Variants in TOM1 observed in about 807,000 individuals in gnomAD.
The protein encoded by TOM1 is target of myb1 membrane trafficking protein.
In TOM1, 38 loss-of-function variants were observed where a neutral mutation model predicts 61.3. That is an observed-to-expected ratio of 0.62 (90% confidence interval 0.48 to 0.81). The LOEUF (loss-of-function observed/expected upper bound fraction) is 0.81. Ranked by LOEUF, TOM1 falls within the 40% of genes least tolerant of loss-of-function variation. The pLI is 0.00. For missense variants in TOM1, 591 were observed against 659.6 expected (o/e 0.90, Z 1.14); for synonymous variants, 270 against 268.8 (o/e 1.00, Z -0.04).
At position 35,345,391 on chromosome 22, in the gene TOM1, G is replaced by A. The variant is rs1601721777; in HGVS notation, c.1225-334G>A. 1.7e-5 allele frequency: 7 copies of A among 407,512 alleles called. No individual in the cohort carries two copies. The East Asian group carries it at 3.3e-4, about 19-fold the overall frequency. 25.2% of individuals were successfully genotyped at this position (407,512 alleles called of 1,614,324 possible). ...CCTGAGCACCTGCAGCATAGCCCCT[G>A]CCCCAGGCCATTGCCCAAAGCCCCT... On this transcript the variant is annotated intron_variant, in intron 12 of 14. Coordinates refer to ENST00000449058, the MANE Select transcript of TOM1 (RefSeq NM_005488.3).
At chr22:35,303,994 T>C (rs891790439) in intron 1 of TOM1, among the ~76,000 whole-genome samples, 3 of 152,094 alleles carry the variant, frequency 2.0e-5, no homozygotes, top group Non-Finnish European at 4.4e-5. Flanking sequence ...AAGTAACATT[T>C]TGTGAGCAAA....
intron 12 of TOM1, among the ~76,000 whole-genome samples, chr22:35,339,615 C>T (rs760595118): frequency 2.4e-4 from 36 of 152,192 alleles, no homozygotes; most frequent in South Asian, 8.3e-4. Context: ...AATAAAAGAG[C>T]GGACCCTGGC....
intron 1 of TOM1, among the ~76,000 whole-genome samples, chr22:35,301,504 G>A (rs1403534062): frequency 6.6e-6 from 1 of 152,158 alleles, no homozygotes; most frequent in Admixed American, 6.5e-5. Flanking sequence ...CCGCATTCTT[G>A]CATGAAGAAA....
chr22:35,346,291 C>T (rs1333926786), intron 13 of TOM1, among the ~76,000 whole-genome samples: 2 of 152,254 alleles, frequency 1.3e-5, no homozygotes, highest in African/African-American at 4.8e-5. Context: ...GGGCCAGACT[C>T]AGCTTCTCCG....
At chr22:35,343,452 CT>C in intron 12 of TOM1, among the ~76,000 whole-genome samples, 1 of 145,468 alleles carries the variant, frequency 6.9e-6, no homozygotes, top group East Asian at 2.1e-4. Flanking sequence ...CCACACACAC[CT>C]ACACACACAC....
chr22:35,329,257 T>A (rs370123651), intron 7 of TOM1, among the ~76,000 whole-genome samples: 75 of 152,214 alleles, frequency 4.9e-4, no homozygotes, highest in African/African-American at 1.7e-3. Flanking sequence ...GGTGTAGCCA[T>A]TTTTTTTATT....
chr22:35,311,770 T>C (rs866131175), intron 1 of TOM1, among the ~76,000 whole-genome samples: 2 of 151,990 alleles, frequency 1.3e-5, no homozygotes, highest in Non-Finnish European at 2.9e-5. Flanking sequence ...CCCACGACAG[T>C]TGGGGATGTG....
Position 35,334,180 on chromosome 22 carries a change from A to C in TOM1, c.1028-148A>C, listed in dbSNP as rs1380921841. 3 of 1,050,552 alleles carry C rather than the reference A, an allele frequency of 2.9e-6. No homozygotes were observed. In the Admixed American group the frequency reaches 8.0e-5, roughly 28 times the overall value. The allele number at this position is 1,050,552 out of a possible 1,614,324, so 65.1% of individuals were successfully genotyped here. On this transcript the variant is annotated intron_variant, in intron 10 of 14. Transcript: ENST00000449058. ...GCCGCTTGCCCAAGGCCCCACAGCC[A>C]GCAGCAGGTGGCCTGCCTCGCGCAT... is the stretch of plus-strand genomic sequence containing the variant.
chr22:35,325,393 G>A (rs1250626990), intron 6 of TOM1, among the ~76,000 whole-genome samples: 1 of 152,174 alleles, frequency 6.6e-6, no homozygotes, highest in Non-Finnish European at 1.5e-5. Context: ...GATATTACTA[G>A]AAAATTTTGC....
At chr22:35,327,431 C>A in intron 7 of TOM1, 44 bp downstream of exon 7, 1 of 1,355,948 alleles carries the variant, frequency 7.4e-7, no homozygotes, top group Non-Finnish European at 1.0e-6. Context: ...TGACTCCTGC[C>A]CAGCTGCCCA....
rs539561770 is a variant in TOM1, at chr22:35,320,028, C to T, written c.138-1931C>T. ...CAGCACTGACAGCCAGGCAGACAGC[C>T]GGATGGGTCCCAGTGGCCACTGGCC... On this transcript the variant is annotated intron_variant, in intron 2 of 14. Coordinates refer to ENST00000449058, the MANE Select transcript of TOM1 (RefSeq NM_005488.3). Among the ~76,000 whole-genome samples the T allele has an allele frequency of 5.9e-5, 9 of 152,350 alleles. No individual in the cohort carries two copies. In the East Asian group the frequency reaches 7.7e-4, roughly 13 times the overall value.
rs772266505 is a variant in TOM1, at chr22:35,330,404, A to T, written c.823A>T (p.Ile275Phe). ...GCGGGTCCTGGAGCTCATCCCTCAGATCGCCAATGAGCAGCTGACAGAGGA... is the reference window on the plus strand; with the variant it reads ...GCGGGTCCTGGAGCTCATCCCTCAGTTCGCCAATGAGCAGCTGACAGAGGA... Reference protein sequence around the residue: ...QQRVLELIPQIANEQLTEELL... With the variant: ...QQRVLELIPQFANEQLTEELL... Residue 275 changes from isoleucine to phenylalanine, a missense_variant, in exon 8 of 15, where the codon ATC (isoleucine) becomes TTC (phenylalanine). Transcript: ENST00000449058. 2.5e-6 allele frequency: 4 copies of T among 1,613,536 alleles called. No individual in the cohort carries two copies. In the South Asian group the frequency reaches 4.4e-5, roughly 18 times the overall value.
At chr22:35,331,951 ACCT>A (rs536889647) in intron 8 of TOM1, among the ~76,000 whole-genome samples, 11 of 152,172 alleles carry the variant, frequency 7.2e-5, no homozygotes, top group African/African-American at 2.4e-4. Flanking sequence ...TGCCCATCAC[ACCT>A]CCTCTGTATC....
chr22:35,324,142 T>A (rs548282262), intron 6 of TOM1, among the ~76,000 whole-genome samples: 1 of 152,346 alleles, frequency 6.6e-6, no homozygotes, highest in East Asian at 1.9e-4. Context: ...CTCACGTCTG[T>A]CTGACTCCTG....
Position 35,323,561 on chromosome 22 carries a change from G to T in TOM1, c.432G>T (p.Leu144=). ...LTGVVTIYED[L]RRKGLEFPMT... is the part of the protein sequence containing the mutation. ...GTGTGGTCACCATCTATGAGGACCTGCGGAGGAAAGGCCTGGAGTTCCCCA... is the reference window on the plus strand; with the variant it reads ...GTGTGGTCACCATCTATGAGGACCTTCGGAGGAAAGGCCTGGAGTTCCCCA... Residue 144 remains leucine (L), a synonymous_variant, in exon 5 of 15, where the codon CTG becomes CTT. Coordinates refer to ENST00000449058, the MANE Select transcript of TOM1 (RefSeq NM_005488.3). The surrounding 1 kb of genome is among the most constrained non-coding windows in gnomAD (Gnocchi z 4.2). The T allele has an allele frequency of 6.2e-7, 1 of 1,614,164 alleles. No individual in the cohort carries two copies. The highest frequency in any genetic ancestry group is 8.5e-7 in the Non-Finnish European group (1 of 1,180,036).
intron 1 of TOM1, among the ~76,000 whole-genome samples, chr22:35,300,858 A>G (rs1438492800): frequency 1.3e-5 from 2 of 152,098 alleles, no homozygotes; most frequent in African/African-American, 2.4e-5. Context: ...TAAATGTGAA[A>G]TACTTAGAAC....
intron 2 of TOM1, among the ~76,000 whole-genome samples, chr22:35,321,525 A>C (rs766980335): frequency 6.6e-6 from 1 of 151,964 alleles, no homozygotes; most frequent in Non-Finnish European, 1.5e-5. Flanking sequence ...CAACCTCCCA[A>C]GTAGCTGGGA....
At position 35,323,263 on chromosome 22, in the gene TOM1, G is replaced by C; in HGVS notation, c.366+86G>C. On this transcript the variant is annotated intron_variant, in intron 4 of 14. Coordinates refer to ENST00000449058, the MANE Select transcript of TOM1 (RefSeq NM_005488.3). This position sits in a 1 kb window ranked among gnomAD's most constrained non-coding sequence, Gnocchi z 4.2. Reference sequence around the variant, plus strand: ...CCCAGTGGAGAGTCGAGGCCATCGTGTTTGTCCCAGGCTCCGCTTCTCATT... The same window carrying C: ...CCCAGTGGAGAGTCGAGGCCATCGTCTTTGTCCCAGGCTCCGCTTCTCATT... 1 of 1,534,508 alleles carries C rather than the reference G, an allele frequency of 6.5e-7. No individual in the cohort carries two copies. Among genetic ancestry groups the C allele is most frequent in the Admixed American group, 2.0e-5 (1 of 50,174 alleles).
chr22:35,336,840 G>C (rs1289958425), intron 11 of TOM1: 2 of 152,428 alleles, frequency 1.3e-5, no homozygotes, highest in Non-Finnish European at 2.9e-5. Flanking sequence ...GGAAGTGCTT[G>C]GCCCTCCACC....
Sources: allele counts gnomAD v4.1 joint callset (sites outside exome capture counted in the v4.1 genomes callset), GRCh38; gene constraint gnomAD v4.1.1; non-coding constraint Gnocchi (gnomAD v3.1); transcripts MANE v1.5; gene names NCBI Gene and HGNC (gene_info 2026-07-23, HGNC 2026-07-21).